SLCO5A1: variants seen among roughly 807,000 people sequenced by gnomAD.
The protein encoded by SLCO5A1 is solute carrier organic anion transporter family member 5A1.
A neutral mutation model predicts 65.1 loss-of-function variants in SLCO5A1; 39 were observed. That is an observed-to-expected ratio of 0.60 (90% CI 0.46 to 0.78). The LOEUF is 0.78. Among genes scored for constraint, SLCO5A1 ranks in the 30% least tolerant of loss-of-function variants. The pLI, the probability that SLCO5A1 is intolerant of heterozygous loss-of-function variation, is 0.00. For synonymous variants in SLCO5A1, 438 were observed against 415.7 expected (o/e 1.05, Z -0.65); for missense variants, 1,029 against 1,069.4 (o/e 0.96, Z 0.53).
At position 69,705,213 on chromosome 8, in the gene SLCO5A1, G is replaced by T. The variant is rs1053842751; in HGVS notation, c.1440C>A (p.Pro480=). 9 of 1,613,860 alleles carry T rather than the reference G, an allele frequency of 5.6e-6. No individual in the cohort carries two copies. In the African/African-American group the frequency reaches 6.7e-5, roughly 12 times the overall value. Residue 480 remains proline, a synonymous_variant, in exon 6 of 10, where the codon CCC becomes CCA. Transcript: ENST00000260126. ...CGAGGACAATACCAACACCAGCACT[G>T]GGGACGATAATAACCCCTGGGGAGA... ...ASIYTGVIIV[P]SAGVGIVLGG... is the part of the protein sequence containing the mutation.
intron 5 of SLCO5A1, among the ~76,000 whole-genome samples, chr8:69,710,640 C>G (rs1397617512): frequency 6.6e-6 from 1 of 152,176 alleles, no homozygotes; most frequent in South Asian, 2.1e-4. Flanking sequence ...AATTATGGAG[C>G]CGCGGATACT....
At chr8:69,808,420 T>G (rs193209520) in intron 2 of SLCO5A1, among the ~76,000 whole-genome samples, 1 of 152,192 alleles carries the variant, frequency 6.6e-6, no homozygotes, top group African/African-American at 2.4e-5. Context: ...CATGTGCTAA[T>G]TGGTTTTCTA....
intron 3 of SLCO5A1, 63 bp from the exon 4 acceptor site, chr8:69,755,704 G>A: frequency 4.9e-6 from 7 of 1,440,664 alleles, no homozygotes; most frequent in Non-Finnish European, 6.6e-6. Flanking sequence ...GAACAAATTA[G>A]TAAAGCAGAA....
In SLCO5A1 at chr8:69,667,328, C is replaced by T. The variant is rs1813213125; in HGVS notation, c.*5541G>A. On this transcript the variant is annotated 3_prime_UTR_variant, in exon 10 of 10. Transcript: ENST00000260126. Reference sequence around the variant, plus strand: ...CACAAACACACACTCCACTAAGAACCTAATGCCAGTTTAGTTGACACAGTA... The same window carrying T: ...CACAAACACACACTCCACTAAGAACTTAATGCCAGTTTAGTTGACACAGTA... 6.6e-6 allele frequency: 1 copy of T among 151,886 alleles called. No homozygotes were observed. Among genetic ancestry groups the T allele is most frequent in the Non-Finnish European group, 1.5e-5 (1 of 67,914 alleles). 9.4% of individuals were successfully genotyped at this position (151,886 alleles called of 1,614,324 possible). A position where few individuals can be genotyped will look rare whatever the true frequency, so the allele number is the denominator to read the frequency against.
chr8:69,719,078 AG>A (rs1348585098), intron 5 of SLCO5A1, among the ~76,000 whole-genome samples: 1 of 152,248 alleles, frequency 6.6e-6, no homozygotes, highest in Non-Finnish European at 1.5e-5. Flanking sequence ...GTTTACCAGG[AG>A]TCCAGGATAA....
At chr8:69,695,615 T>C (rs577786752) in intron 6 of SLCO5A1, among the ~76,000 whole-genome samples, 1 of 152,176 alleles carries the variant, frequency 6.6e-6, no homozygotes, top group South Asian at 2.1e-4. Flanking sequence ...TATAAGTAAT[T>C]ATGCTGGTAA....
chr8:69,794,482 A>G, intron 2 of SLCO5A1: 1 of 416,038 alleles, frequency 2.4e-6, no homozygotes, highest in Non-Finnish European at 4.7e-6. Context: ...CAATTCCATC[A>G]TGGTTTGGTT....
chr8:69,672,813 C>G lies in SLCO5A1; in HGVS notation c.*56G>C, dbSNP rs1813379834. 2 of 1,536,318 alleles carry G rather than the reference C, an allele frequency of 1.3e-6. No individual in the cohort carries two copies. Among genetic ancestry groups the G allele is most frequent in the Non-Finnish European group, 1.8e-6 (2 of 1,141,078 alleles). On this transcript the variant is annotated 3_prime_UTR_variant, in exon 10 of 10. Transcript: ENST00000260126. The stretch of plus-strand genomic sequence containing the variant: ...GAAAGAAAAGAAGGCACAGTTGTTT[C>G]TCAAGTCGCCATTTTCAATTCAACC...
In SLCO5A1 at chr8:69,832,053, G is replaced by A. The variant is rs746737987; in HGVS notation, c.621C>T (p.Phe207=). The change falls in exon 2 of 10, where the codon TTC becomes TTT. Residue 207 remains phenylalanine (F), a synonymous_variant. Coordinates refer to ENST00000260126, the MANE Select transcript of SLCO5A1 (RefSeq NM_030958.3). This position sits in a 1 kb window ranked among gnomAD's most constrained non-coding sequence, Gnocchi z 4.5. ...GAGGTAAGGCGAAGAGGGCTGCCCC[G>A]AAGGCGATGAGGAGTCCACCCACGG... ...WLAVGGLLIA[F]GAALFALPHF... is the part of the protein sequence containing the mutation. 8.7e-6 allele frequency: 14 copies of A among 1,612,620 alleles called. No individual in the cohort carries two copies. The highest frequency in any genetic ancestry group is 2.2e-5 in the South Asian group (2 of 90,958).
chr8:69,822,086 A>C (rs755727062), intron 2 of SLCO5A1, among the ~76,000 whole-genome samples: 8 of 152,196 alleles, frequency 5.3e-5, no homozygotes, highest in Admixed American at 1.3e-4. Context: ...AGACAGTGCC[A>C]TTGCGCTCCA....
At chr8:69,766,828 C>G (rs924311675) in intron 2 of SLCO5A1, among the ~76,000 whole-genome samples, 1 of 152,220 alleles carries the variant, frequency 6.6e-6, no homozygotes, top group Non-Finnish European at 1.5e-5. Flanking sequence ...GTGGTGCTCA[C>G]TGCTATGTCC....
At chr8:69,761,613 G>A in intron 3 of SLCO5A1, 130 bp downstream of exon 3, 1 of 918,658 alleles carries the variant, frequency 1.1e-6, no homozygotes, top group Non-Finnish European at 1.6e-6. Context: ...TAACCTGCCT[G>A]TCACCCCTTC....
At chr8:69,737,664 A>G (rs1232926841) in intron 5 of SLCO5A1, among the ~76,000 whole-genome samples, 1 of 152,190 alleles carries the variant, frequency 6.6e-6, no homozygotes, top group Non-Finnish European at 1.5e-5. Flanking sequence ...CTACCATGAA[A>G]CTGATCTATA....
At chr8:69,762,117 GT>G in intron 2 of SLCO5A1, among the ~76,000 whole-genome samples, 1 of 148,278 alleles carries the variant, frequency 6.7e-6, no homozygotes, top group South Asian at 2.2e-4. Flanking sequence ...CTTTTGTTTT[GT>G]TTTCTTTCTT....
Position 69,668,101 on chromosome 8 carries a change from T to TTTTG in SLCO5A1, c.*4767_*4768insCAAA, listed in dbSNP as rs1563648921. Reference sequence around the variant, plus strand: ...AGGGAGGGTTTTTTGTTTTCTGTTTTTTGTTGTTGTTGTTGTATTTGACCC... The same window carrying TTTTG: ...AGGGAGGGTTTTTTGTTTTCTGTTTTTTTGTTGTTGTTGTTGTTGTATTTGACCC... On this transcript the variant is annotated 3_prime_UTR_variant, in exon 10 of 10. Coordinates refer to ENST00000260126, the MANE Select transcript of SLCO5A1 (RefSeq NM_030958.3). The TTTTG allele has an allele frequency of 1.3e-5, 2 of 152,142 alleles. No homozygotes were observed. The highest frequency in any genetic ancestry group is 4.8e-5 in the African/African-American group (2 of 41,424). 9.4% of individuals were successfully genotyped at this position (152,142 alleles called of 1,614,324 possible).
At chr8:69,722,013 A>T (rs187365363) in intron 5 of SLCO5A1, among the ~76,000 whole-genome samples, 6 of 152,190 alleles carry the variant, frequency 3.9e-5, no homozygotes, top group Non-Finnish European at 5.9e-5. Flanking sequence ...CTGTACTAAA[A>T]CTACAAAAAC....
chr8:69,828,043 T>C lies in SLCO5A1; in HGVS notation c.907+3724A>G, dbSNP rs10101814. Among the ~76,000 whole-genome samples, 1,071 of 152,200 alleles carry C rather than the reference T, an allele frequency of 7.0e-3. 15 individuals carry two copies. Among genetic ancestry groups the C allele is most frequent in the African/African-American group, 0.024 (1,014 of 41,532 alleles). ...GCCCTGGGGTCAGAAAGTCATGGGG[T>C]TGAGGCCCTTAGTAAGTCACTTAAA... On this transcript the variant is annotated intron_variant, in intron 2 of 9. Coordinates refer to ENST00000260126, the MANE Select transcript of SLCO5A1 (RefSeq NM_030958.3).
intron 5 of SLCO5A1, among the ~76,000 whole-genome samples, chr8:69,716,043 TGCCTGTTTG>T (rs374128545): frequency 0.029 from 4,411 of 152,198 alleles, 219 homozygotes; most frequent in African/African-American, 0.1. Flanking sequence ...TCCATAAGTG[TGCCTGTTTG>T]AGACCTTTCA....
intron 5 of SLCO5A1, among the ~76,000 whole-genome samples, chr8:69,720,611 A>G (rs1460539897): frequency 6.6e-6 from 1 of 152,270 alleles, no homozygotes; most frequent in Non-Finnish European, 1.5e-5. Flanking sequence ...CTCAAGTTTC[A>G]ACCCATTGGA....
Sources: allele counts gnomAD v4.1 joint callset (sites outside exome capture counted in the v4.1 genomes callset), GRCh38; gene constraint gnomAD v4.1.1; non-coding constraint Gnocchi (gnomAD v3.1); transcripts MANE v1.5; gene names NCBI Gene and HGNC (gene_info 2026-07-23, HGNC 2026-07-21).